The following ERBB4 variants were observed in gnomAD, a reference collection of about 807,000 sequenced individuals.
ERBB4 encodes the protein erb-b2 receptor tyrosine kinase 4.
In ERBB4, 42 loss-of-function variants were observed where a neutral mutation model predicts 158.0. The ratio of observed to expected loss-of-function variants is 0.27; its 90% CI spans 0.21 to 0.34. ERBB4 has a LOEUF of 0.34. Ranked by LOEUF, ERBB4 falls within the 10% of genes least tolerant of loss-of-function variation. The pLI is 1.00. For synonymous variants in ERBB4, 583 were observed against 558.7 expected (o/e 1.04, Z -0.61); for missense variants, 1,333 against 1,624.1 (o/e 0.82, Z 3.08).
At chr2:212,067,545 C>T (rs1024364819) in intron 2 of ERBB4, among the ~76,000 whole-genome samples, 3 of 151,980 alleles carry the variant, frequency 2.0e-5, no homozygotes, top group African/African-American at 7.2e-5. Context: ...CAGGCCAAAA[C>T]TGGACAGCAT....
intron 27 of ERBB4, among the ~76,000 whole-genome samples, chr2:211,384,310 T>G (rs2062639512): frequency 1.3e-5 from 2 of 152,222 alleles, no homozygotes; most frequent in Non-Finnish European, 2.9e-5. Context: ...CCTAAATTTT[T>G]CTTTCTTTCT....
intron 1 of ERBB4, among the ~76,000 whole-genome samples, chr2:212,137,662 T>C (rs1436890469): frequency 6.6e-6 from 1 of 152,232 alleles, no homozygotes; most frequent in Non-Finnish European, 1.5e-5. Context: ...TATAACAGAA[T>C]GATTTATATT....
At chr2:211,925,703 G>T (rs947708601) in intron 3 of ERBB4, among the ~76,000 whole-genome samples, 2 of 151,846 alleles carry the variant, frequency 1.3e-5, no homozygotes, top group Non-Finnish European at 2.9e-5. Context: ...TTAAAACTAC[G>T]GAAATAAATA....
At chr2:211,812,337 T>C (rs1425669412) in intron 3 of ERBB4, among the ~76,000 whole-genome samples, 2 of 152,194 alleles carry the variant, frequency 1.3e-5, no homozygotes, top group Non-Finnish European at 2.9e-5. Flanking sequence ...TTTGGCTGGG[T>C]ATCACCAGCG....
intron 20 of ERBB4, among the ~76,000 whole-genome samples, chr2:211,514,244 G>A (rs1270422020): frequency 6.6e-6 from 1 of 152,144 alleles, no homozygotes; most frequent in South Asian, 2.1e-4. Context: ...GCTAAGTTTT[G>A]TTTCGATGTT....
intron 19 of ERBB4, among the ~76,000 whole-genome samples, chr2:211,589,022 ATATAAC>A (rs2068379146): frequency 6.6e-6 from 1 of 152,176 alleles, no homozygotes; most frequent in Non-Finnish European, 1.5e-5. Flanking sequence ...AAGAAAATAA[ATATAAC>A]TGTGTTCAAA....
intron 1 of ERBB4, among the ~76,000 whole-genome samples, chr2:212,214,455 C>A (rs2083034680): frequency 6.6e-6 from 1 of 151,786 alleles, no homozygotes; most frequent in Non-Finnish European, 1.5e-5. Flanking sequence ...TTTTATACTT[C>A]ATGGACATCA....
intron 2 of ERBB4, among the ~76,000 whole-genome samples, chr2:212,056,444 C>T (rs2077571995): frequency 1.3e-5 from 2 of 152,126 alleles, no homozygotes; most frequent in African/African-American, 4.8e-5. Context: ...AAAGAGACTC[C>T]TCGAGAAGAG....
intron 1 of ERBB4, among the ~76,000 whole-genome samples, chr2:212,338,073 G>A (rs1327846437): frequency 6.6e-6 from 1 of 151,982 alleles, no homozygotes; most frequent in Non-Finnish European, 1.5e-5. Flanking sequence ...CCCAATCCAG[G>A]AAAAAATGTT....
chr2:211,399,809 T>C (rs2062995354), intron 25 of ERBB4, among the ~76,000 whole-genome samples: 1 of 152,104 alleles, frequency 6.6e-6, no homozygotes, highest in Admixed American at 6.6e-5. Flanking sequence ...GGTTTAGCTG[T>C]ATCCCTGAAA....
In ERBB4 at chr2:212,352,235, T is replaced by C. The variant is rs1279578753; in HGVS notation, c.82+186214A>G. ...TCAGGTACTATCCTTTGTACCTGGG[T>C]GATGAAATAATCTGTACATCAACAT... On this transcript the variant is annotated intron_variant, in intron 1 of 27. Transcript: ENST00000342788. Among the ~76,000 whole-genome samples, 16 of 151,384 alleles carry C rather than the reference T, an allele frequency of 1.1e-4. 1 individual carries two copies. Among genetic ancestry groups the C allele is most frequent in the Non-Finnish European group, 2.4e-4 (16 of 67,940 alleles).
chr2:211,824,678 G>A (rs1309697362), intron 3 of ERBB4, among the ~76,000 whole-genome samples: 1 of 140,220 alleles, frequency 7.1e-6, no homozygotes, highest in African/African-American at 2.7e-5. Context: ...GAAAAGAAAT[G>A]AACTTGACAA....
intron 1 of ERBB4, among the ~76,000 whole-genome samples, chr2:212,408,125 G>T (rs1209173280): frequency 6.6e-6 from 1 of 151,752 alleles, no homozygotes; most frequent in African/African-American, 2.4e-5. Context: ...TGTGCAAGAT[G>T]TGCAGGTTTG....
In ERBB4 at chr2:211,772,057, T is replaced by C. The variant is rs536083898; in HGVS notation, c.556+15968A>G. 2.0e-5 allele frequency among the ~76,000 whole-genome samples: 3 copies of C among 152,350 alleles called. No individual in the cohort carries two copies. The South Asian group carries it at 6.2e-4, about 32-fold the overall frequency. ...GAAATTCATTATTTCCTGAATAGTT[T>C]ACAATGTTTTACTATCTTCTGTGTA... On this transcript the variant is annotated intron_variant, in intron 4 of 27. Coordinates refer to ENST00000342788, the MANE Select transcript of ERBB4 (RefSeq NM_005235.3).
chr2:211,465,220 G>T (rs954067923), intron 20 of ERBB4, among the ~76,000 whole-genome samples: 1 of 152,032 alleles, frequency 6.6e-6, no homozygotes, highest in Non-Finnish European at 1.5e-5. Context: ...GAAAAACCAC[G>T]TGGAGGATTC....
intron 3 of ERBB4, among the ~76,000 whole-genome samples, chr2:211,923,051 C>T (rs1469192795): frequency 2.6e-5 from 4 of 152,060 alleles, no homozygotes; most frequent in South Asian, 2.1e-4. Flanking sequence ...AGTTATTCCA[C>T]GTAAATTATA....
chr2:211,989,280 A>G (rs1385033975), intron 2 of ERBB4, among the ~76,000 whole-genome samples: 1 of 151,952 alleles, frequency 6.6e-6, no homozygotes, highest in Non-Finnish European at 1.5e-5. Flanking sequence ...AGTATTTTAT[A>G]AAATATTCCC....
intron 7 of ERBB4, 91 bp downstream of exon 7, chr2:211,722,302 A>C: frequency 9.4e-7 from 1 of 1,059,912 alleles, no homozygotes. Flanking sequence ...TAATATTCTT[A>C]CAAGTTTCAC....
intron 5 of ERBB4, among the ~76,000 whole-genome samples, chr2:211,734,162 A>G (rs1291853101): frequency 2.0e-5 from 3 of 152,232 alleles, no homozygotes; most frequent in African/African-American, 7.2e-5. Flanking sequence ...ATGGACAAAT[A>G]TCTGTTGAAA....
Sources: gnomAD v4.1 joint callset for allele counts (sites outside exome capture counted in the v4.1 genomes callset) on GRCh38, gnomAD v4.1.1 for gene constraint, MANE v1.5 for transcripts, NCBI Gene and HGNC (gene_info 2026-07-23, HGNC 2026-07-21) for gene names.